Variants in MIPEP observed in about 807,000 individuals in gnomAD.
MIPEP encodes mitochondrial intermediate peptidase.
In MIPEP, 79 loss-of-function variants were observed where a neutral mutation model predicts 90.3. The ratio of observed to expected loss-of-function variants is 0.87; its 90% CI spans 0.73 to 1.05. The LOEUF is 1.05. MIPEP is among the 50% of genes least tolerant of loss of function. The pLI is 0.00. For missense variants in MIPEP, 940 were observed against 905.6 expected (o/e 1.04, Z -0.49); for synonymous variants, 334 against 315.8 (o/e 1.06, Z -0.61).
intron 16 of MIPEP, among the ~76,000 whole-genome samples, chr13:23,793,783 C>G (rs1952925884): frequency 6.6e-6 from 1 of 151,578 alleles, no homozygotes; most frequent in East Asian, 2.0e-4. Flanking sequence ...AATGATGGTT[C>G]AAGCAGAAGG....
At chr13:23,862,102 C>T (rs1389391910) in intron 9 of MIPEP, among the ~76,000 whole-genome samples, 200 bp downstream of exon 9, 1 of 152,092 alleles carries the variant, frequency 6.6e-6, no homozygotes, top group Non-Finnish European at 1.5e-5. Context: ...GACTCCTCAA[C>T]AAAAATGCTG....
chr13:23,884,726 T>C (rs1871402279), intron 2 of MIPEP, among the ~76,000 whole-genome samples: 1 of 152,224 alleles, frequency 6.6e-6, no homozygotes, highest in South Asian at 2.1e-4. Context: ...AATGCCAGAA[T>C]ATAAACTCCA....
intron 18 of MIPEP, among the ~76,000 whole-genome samples, chr13:23,743,880 C>G (rs1952357252): frequency 6.6e-6 from 1 of 152,200 alleles, no homozygotes; most frequent in African/African-American, 2.4e-5. Context: ...CCATTTCTTT[C>G]TTCCAAAAAG....
At chr13:23,749,045 A>C (rs538062903) in intron 18 of MIPEP, among the ~76,000 whole-genome samples, 130 of 152,370 alleles carry the variant, frequency 8.5e-4, no homozygotes, top group African/African-American at 3.1e-3. Context: ...GATTGATCAG[A>C]TTACATAAAT....
intron 15 of MIPEP, among the ~76,000 whole-genome samples, chr13:23,807,669 C>A (rs1013370838): frequency 1.3e-5 from 2 of 152,140 alleles, no homozygotes; most frequent in African/African-American, 4.8e-5. Context: ...TAAAGATAAT[C>A]AGGGAGGCCA....
Position 23,765,154 on chromosome 13 carries a change from A to C in MIPEP, c.1849-4937T>G, listed in dbSNP as rs529658023. Among the ~76,000 whole-genome samples, 10 of 152,286 alleles carry C rather than the reference A, an allele frequency of 6.6e-5. No individual in the cohort carries two copies. The South Asian group carries it at 2.1e-3, about 32-fold the overall frequency. ...GTCTGCAGGTTCCACATGGCCAATC[A>C]CAGGACTTGAACATGCTCAGATTTT... On this transcript the variant is annotated intron_variant, in intron 16 of 18. Coordinates refer to ENST00000382172, the MANE Select transcript of MIPEP (RefSeq NM_005932.4).
intron 10 of MIPEP, among the ~76,000 whole-genome samples, chr13:23,857,228 T>C (rs1254570991): frequency 6.6e-6 from 1 of 152,144 alleles, no homozygotes; most frequent in East Asian, 1.9e-4. Context: ...AGAAAACAAT[T>C]TTGTAAAACA....
rs1384975632 is a variant in MIPEP, at chr13:23,806,089, T to C, written c.1729-20A>G. 1 of 1,613,138 alleles carries C rather than the reference T, an allele frequency of 6.2e-7. No homozygotes were observed. The highest frequency in any genetic ancestry group is 8.5e-7 in the Non-Finnish European group (1 of 1,179,736). ...AAAGACCTAGATAGATAAAAACATC[T>C]ACTTAGTTTTGGTCGTCCATCCTCA... is the stretch of plus-strand genomic sequence containing the variant. On this transcript the variant is annotated intron_variant, in intron 15 of 18. Coordinates refer to ENST00000382172, the MANE Select transcript of MIPEP (RefSeq NM_005932.4).
chr13:23,835,424 G>A (rs1016862482), intron 14 of MIPEP, among the ~76,000 whole-genome samples: 1 of 152,058 alleles, frequency 6.6e-6, no homozygotes, highest in African/African-American at 2.4e-5. Context: ...ACAAATAAAG[G>A]TGGTTAAGGT....
intron 4 of MIPEP, among the ~76,000 whole-genome samples, chr13:23,875,809 G>C (rs1871047121): frequency 6.6e-6 from 1 of 152,000 alleles, no homozygotes; most frequent in African/African-American, 2.4e-5. Context: ...TAAAATTCTT[G>C]TATTTCCTTT....
chr13:23,752,405 C>T (rs897089470), intron 18 of MIPEP, among the ~76,000 whole-genome samples: 1 of 152,282 alleles, frequency 6.6e-6, no homozygotes. Context: ...TACTTCCTTG[C>T]TATTCACAAG....
rs73450244 is a variant in MIPEP, at chr13:23,818,827, C to T, written c.1654-8903G>A. On this transcript the variant is annotated intron_variant, in intron 14 of 18. Coordinates refer to ENST00000382172, the MANE Select transcript of MIPEP (RefSeq NM_005932.4). ...GGCAGCTTTAGGCTAAATGTAACAG[C>T]GGAGAGGGAAATTCAATGATGTGCC... Among the ~76,000 whole-genome samples, 64 of 152,192 alleles carry T rather than the reference C, an allele frequency of 4.2e-4. 1 individual carries two copies. Among genetic ancestry groups the T allele is most frequent in the African/African-American group, 1.5e-3 (63 of 41,526 alleles).
At chr13:23,866,726 C>A (rs1381829070) in intron 7 of MIPEP, among the ~76,000 whole-genome samples, 3 of 152,192 alleles carry the variant, frequency 2.0e-5, no homozygotes, top group Non-Finnish European at 2.9e-5. Flanking sequence ...TTTAAGTTCA[C>A]TCTCTTAGTG....
At chr13:23,839,849 C>A in intron 11 of MIPEP, 123 bp from the exon 12 acceptor site, 1 of 591,340 alleles carries the variant, frequency 1.7e-6, no homozygotes. Flanking sequence ...TTACATTCTA[C>A]ACCCCACATT....
chr13:23,802,204 G>A (rs1298146528), intron 16 of MIPEP, among the ~76,000 whole-genome samples: 2 of 152,114 alleles, frequency 1.3e-5, no homozygotes, highest in Non-Finnish European at 2.9e-5. Flanking sequence ...TGCATTCCCT[G>A]ATTAATATTT....
rs115737721 is a variant in MIPEP at position 23,850,881 on chromosome 13, T to A, written c.1106+7979A>T. 4.3e-3 allele frequency among the ~76,000 whole-genome samples: 655 copies of A among 152,016 alleles called. 2 individuals carry two copies. The highest frequency in any genetic ancestry group is 0.015 in the African/African-American group (628 of 41,446). On this transcript the variant is annotated intron_variant, in intron 10 of 18. Coordinates refer to ENST00000382172, the MANE Select transcript of MIPEP (RefSeq NM_005932.4). Reference sequence around the variant, plus strand: ...TGCTTTAGGAAGAACAGAATGGGAGTTGTGGAAATGTCGTGAGAGAGGATC... The same window carrying A: ...TGCTTTAGGAAGAACAGAATGGGAGATGTGGAAATGTCGTGAGAGAGGATC...
At chr13:23,824,375 G>GT (rs1355188930) in intron 14 of MIPEP, among the ~76,000 whole-genome samples, 1 of 152,190 alleles carries the variant, frequency 6.6e-6, no homozygotes, top group Non-Finnish European at 1.5e-5. Context: ...ATATTAACAG[G>GT]TAAGACAATC....
At chr13:23,869,122 A>C (rs1192248649) in intron 7 of MIPEP, among the ~76,000 whole-genome samples, 170 bp downstream of exon 7, 1 of 152,254 alleles carries the variant, frequency 6.6e-6, no homozygotes, top group Non-Finnish European at 1.5e-5. Flanking sequence ...AATTATGCCA[A>C]ATTATTAGCT....
intron 16 of MIPEP, among the ~76,000 whole-genome samples, chr13:23,786,014 T>A (rs1327558410): frequency 6.6e-6 from 1 of 151,890 alleles, no homozygotes; most frequent in South Asian, 2.1e-4. Flanking sequence ...AGCCCAGGAG[T>A]TGAAAACCAG....
Sources: gnomAD v4.1 joint callset for allele counts (sites outside exome capture counted in the v4.1 genomes callset) on GRCh38, gnomAD v4.1.1 for gene constraint, MANE v1.5 for transcripts, NCBI Gene and HGNC (gene_info 2026-07-23, HGNC 2026-07-21) for gene names.